TENT4B: variants seen among roughly 807,000 people sequenced by gnomAD.
The protein encoded by TENT4B is PAP associated domain containing 5.
Under a neutral mutation model 75.0 loss-of-function variants are expected in TENT4B, and 10 were observed. The ratio of observed to expected loss-of-function variants is 0.13; its 90% CI spans 0.08 to 0.23. The LOEUF is 0.23. TENT4B is among the 10% of genes least tolerant of loss of function. TENT4B has a pLI of 1.00. For synonymous variants in TENT4B, 350 were observed against 357.7 expected, an observed-to-expected ratio of 0.98 and a Z score of 0.24; for missense variants, 579 against 893.8, an observed-to-expected ratio of 0.65 and a Z score of 4.49.
chr16:50,234,105 T>C lies in TENT4B; in HGVS notation c.*4777T>C, dbSNP rs1481021083. The stretch of plus-strand genomic sequence containing the variant: ...GTATTTTGGGGGAATGTTATTTATC[T>C]TAAAGATGCCTAGAAACAAAACGCA... On this transcript the variant is annotated 3_prime_UTR_variant, in exon 12 of 12. Transcript: ENST00000561678. 1.1e-5 allele frequency: 11 copies of C among 985,330 alleles called. No individual in the cohort carries two copies. The highest frequency in any genetic ancestry group is 1.3e-5 in the Non-Finnish European group (11 of 829,952). 61.0% of individuals were successfully genotyped at this position (985,330 alleles called of 1,614,324 possible).
upstream of TENT4B, chr16:50,152,992 C>A: frequency 6.6e-7 from 1 of 1,515,974 alleles, no homozygotes; most frequent in Non-Finnish European, 8.8e-7. Context: ...GAAGCCGAGG[C>A]GGAGAAGCCG....
Position 50,230,509 on chromosome 16 carries a change from A to G in TENT4B, c.*1181A>G, listed in dbSNP as rs1298710948. Reference sequence around the variant, plus strand: ...AATTAAATCATACTTATAAAAAACTATTTTCTTATATTCCACTCTATGCTT... The same window carrying G: ...AATTAAATCATACTTATAAAAAACTGTTTTCTTATATTCCACTCTATGCTT... On this transcript the variant is annotated 3_prime_UTR_variant, in exon 12 of 12. Transcript: ENST00000561678. 1.0e-6 allele frequency: 1 copy of G among 977,738 alleles called. No homozygotes were observed. The highest frequency in any genetic ancestry group is 1.2e-6 in the Non-Finnish European group (1 of 822,692). The allele number at this position is 977,738 out of a possible 1,614,324, so 60.6% of individuals were successfully genotyped here.
intron 1 of TENT4B, among the ~76,000 whole-genome samples, chr16:50,168,467 ATT>A (rs61664898): frequency 8.1e-5 from 10 of 123,336 alleles, no homozygotes; most frequent in Admixed American, 8.4e-5. Context: ...CACCCAGCTA[ATT>A]TTTTTTTTTT....
chr16:50,207,560 G>A (rs985564541), intron 1 of TENT4B, among the ~76,000 whole-genome samples: 3 of 152,104 alleles, frequency 2.0e-5, no homozygotes, highest in South Asian at 2.1e-4. Context: ...TTCAGATCAC[G>A]GAAGAGTTGT....
chr16:50,187,238 A>G (rs1448450767), intron 1 of TENT4B, among the ~76,000 whole-genome samples: 1 of 152,130 alleles, frequency 6.6e-6, no homozygotes, highest in Non-Finnish European at 1.5e-5. Context: ...TTAGCTCCTA[A>G]GTTTAGGTCT....
intron 7 of TENT4B, among the ~76,000 whole-genome samples, chr16:50,224,210 G>T (rs1008441617): frequency 3.3e-5 from 5 of 152,120 alleles, no homozygotes; most frequent in Non-Finnish European, 4.4e-5. Context: ...AGCCTGCTCT[G>T]TTCAAAAGTA....
chr16:50,164,877 C>G (rs2038069720), intron 1 of TENT4B, among the ~76,000 whole-genome samples: 1 of 151,284 alleles, frequency 6.6e-6, no homozygotes, highest in East Asian at 1.9e-4. Flanking sequence ...CATGGTGAAA[C>G]TCCGTCTCTA....
chr16:50,217,852 A>G (rs1051589514), intron 5 of TENT4B, among the ~76,000 whole-genome samples, 189 bp downstream of exon 5: 2 of 150,608 alleles, frequency 1.3e-5, no homozygotes, highest in African/African-American at 2.4e-5. Context: ...TGCAGCCTCA[A>G]ACTCCTGGGT....
rs753413112 is a variant in TENT4B at position 50,224,998 on chromosome 16, AG to A, written c.1612+5del. ...AGACCTGAGCCTTCATGCAATGGTA[AG>A]ATATTTTCCTTGGTCGATTGACTGA... On this transcript the variant is annotated splice_donor_5th_base_variant and intron_variant, in intron 9 of 11. Transcript: ENST00000561678. 7.4e-5 allele frequency: 119 copies of A among 1,612,698 alleles called. No homozygotes were observed. Among genetic ancestry groups the A allele is most frequent in the Admixed American group, 1.7e-5 (1 of 59,934 alleles).
chr16:50,204,162 A>G (rs1193779295), intron 1 of TENT4B, among the ~76,000 whole-genome samples: 3 of 152,176 alleles, frequency 2.0e-5, no homozygotes, highest in Non-Finnish European at 2.9e-5. Flanking sequence ...GGACTTCAGT[A>G]ATCATGCAGC....
At position 50,234,253 on chromosome 16, in the gene TENT4B, A is replaced by C. The variant is rs1454569335; in HGVS notation, c.*4925A>C. Reference sequence around the variant, plus strand: ...AGGATGGCTTGAGGCTGGGAGTTTGAGACCTTCATCTCTTAAAAAAACAAA... The same window carrying C: ...AGGATGGCTTGAGGCTGGGAGTTTGCGACCTTCATCTCTTAAAAAAACAAA... On this transcript the variant is annotated 3_prime_UTR_variant, in exon 12 of 12. Coordinates refer to ENST00000561678, the MANE Select transcript of TENT4B (RefSeq NM_001365324.3). 3.6e-5 allele frequency: 35 copies of C among 985,396 alleles called. No individual in the cohort carries two copies. The highest frequency in any genetic ancestry group is 6.1e-5 in the Admixed American group (1 of 16,266). 61.0% of individuals were successfully genotyped at this position (985,396 alleles called of 1,614,324 possible).
At chr16:50,196,244 A>T (rs2030231586) in intron 1 of TENT4B, among the ~76,000 whole-genome samples, 3 of 152,212 alleles carry the variant, frequency 2.0e-5, no homozygotes, top group African/African-American at 7.2e-5. Flanking sequence ...AGAAAATGTC[A>T]TCCTGTGATC....
At position 50,234,288 on chromosome 16, in the gene TENT4B, G is replaced by GAA. The variant is rs1304406783; in HGVS notation, c.*4961_*4962dup. On this transcript the variant is annotated 3_prime_UTR_variant, in exon 12 of 12. Transcript: ENST00000561678. ...CTCTTAAAAAAACAAACAAAAACCTGAATGGTGAGGTGTGGTGGAATTGGG... is the reference window on the plus strand; with the variant it reads ...CTCTTAAAAAAACAAACAAAAACCTGAAAATGGTGAGGTGTGGTGGAATTGGG... The GAA allele has an allele frequency of 1.0e-6, 1 of 985,322 alleles. No homozygotes were observed. Among genetic ancestry groups the GAA allele is most frequent in the Non-Finnish European group, 1.2e-6 (1 of 829,986 alleles). 61.0% of individuals were successfully genotyped at this position (985,322 alleles called of 1,614,324 possible).
At position 50,222,332 on chromosome 16, in the gene TENT4B, T is replaced by C; in HGVS notation, c.1065T>C (p.Val355=). 1 of 1,605,610 alleles carries C rather than the reference T, an allele frequency of 6.2e-7. No homozygotes were observed. Among genetic ancestry groups the C allele is most frequent in the Non-Finnish European group, 8.5e-7 (1 of 1,175,076 alleles). ...TKKYPVLPYL[V]LVLKQFLLQR... ...AATATCCTGTATTGCCATACTTGGT[T>C]TTAGTATTGAAACAATTCCTATTGC... The change falls in exon 6 of 12, where the codon GTT becomes GTC. Residue 355 remains valine, a synonymous_variant. Coordinates refer to ENST00000561678, the MANE Select transcript of TENT4B (RefSeq NM_001365324.3).
intron 1 of TENT4B, among the ~76,000 whole-genome samples, chr16:50,164,511 A>G (rs947410328): frequency 4.0e-5 from 6 of 150,078 alleles, no homozygotes; most frequent in Non-Finnish European, 7.4e-5. Flanking sequence ...GTTTCACCAT[A>G]TTGGCCAGGC....
chr16:50,191,036 G>T (rs1184522553), intron 1 of TENT4B, among the ~76,000 whole-genome samples: 1 of 151,992 alleles, frequency 6.6e-6, no homozygotes, highest in Non-Finnish European at 1.5e-5. Context: ...TGTAGCATAT[G>T]TCAACATGAC....
In TENT4B at chr16:50,234,532, T is replaced by C. The variant is rs997949703; in HGVS notation, c.*5204T>C. The C allele has an allele frequency of 1.2e-4, 120 of 982,900 alleles. No individual in the cohort carries two copies. Among genetic ancestry groups the C allele is most frequent in the Non-Finnish European group, 1.4e-4 (118 of 827,700 alleles). 60.9% of individuals were successfully genotyped at this position (982,900 alleles called of 1,614,324 possible). On this transcript the variant is annotated 3_prime_UTR_variant, in exon 12 of 12. Transcript: ENST00000561678. ...AAGACCATTTCATTATTACCTTTTA[T>C]ATTTAGTTGCAATTTATTATAATAT...
chr16:50,162,446 A>T (rs1294692906), intron 1 of TENT4B, among the ~76,000 whole-genome samples: 1 of 152,188 alleles, frequency 6.6e-6, no homozygotes, highest in Non-Finnish European at 1.5e-5. Context: ...TGAGATATCC[A>T]GTTTCTCTGC....
chr16:50,208,304 T>A (rs2031096386), intron 1 of TENT4B, among the ~76,000 whole-genome samples: 1 of 152,242 alleles, frequency 6.6e-6, no homozygotes, highest in Admixed American at 6.5e-5. Flanking sequence ...GAGCCTGTCT[T>A]ATAAATCTAT....
Sources: allele counts gnomAD v4.1 joint callset (sites outside exome capture counted in the v4.1 genomes callset), GRCh38; gene constraint gnomAD v4.1.1; transcripts MANE v1.5; gene names NCBI Gene and HGNC (gene_info 2026-07-23, HGNC 2026-07-21).